The following NRG3 variants were observed in gnomAD, a reference collection of about 807,000 sequenced individuals.
The protein encoded by NRG3 is neuregulin 3.
Under a neutral mutation model 66.9 loss-of-function variants are expected in NRG3, and 31 were observed. That is an observed-to-expected ratio of 0.46 (90% confidence interval 0.35 to 0.63). The LOEUF (loss-of-function observed/expected upper bound fraction) is 0.63. Ranked by LOEUF, NRG3 falls within the 20% of genes least tolerant of loss-of-function variation. The pLI, the probability that NRG3 is intolerant of heterozygous loss-of-function variation, is 0.00. For missense variants in NRG3, 910 were observed against 878.9 expected (o/e 1.04, Z -0.45); for synonymous variants, 393 against 359.4 (o/e 1.09, Z -1.06).
At chr10:82,307,445 C>T (rs2080803714) in intron 1 of NRG3, among the ~76,000 whole-genome samples, 1 of 151,940 alleles carries the variant, frequency 6.6e-6, no homozygotes, top group Non-Finnish European at 1.5e-5. Flanking sequence ...TTGTGTATAT[C>T]GTAGGTTGTT....
In NRG3 at chr10:82,963,610, G is replaced by A. The variant is rs376909605; in HGVS notation, c.1284+4535G>A. The stretch of plus-strand genomic sequence containing the variant: ...CGGGAGAATTACGTGAACCCAGGAG[G>A]CAGAGCTTGCAGTGAGCCGAGATGG... On this transcript the variant is annotated intron_variant, in intron 6 of 8. Transcript: ENST00000372141. Among the ~76,000 whole-genome samples, 272 of 152,302 alleles carry A rather than the reference G, an allele frequency of 1.8e-3. No individual in the cohort carries two copies. The South Asian group carries it at 0.026, about 15-fold the overall frequency.
intron 2 of NRG3, among the ~76,000 whole-genome samples, chr10:82,489,660 G>C (rs1842942811): frequency 6.6e-6 from 1 of 152,100 alleles, no homozygotes; most frequent in East Asian, 1.9e-4. Context: ...TAGAGAATTT[G>C]GATCTTTGAG....
At chr10:82,356,064 C>G (rs535975993) in intron 1 of NRG3, among the ~76,000 whole-genome samples, 1 of 152,078 alleles carries the variant, frequency 6.6e-6, no homozygotes, top group African/African-American at 2.4e-5. Context: ...GCTTTCCCAC[C>G]CCAGACTTTT....
At chr10:82,183,924 C>T (rs1206285517) in intron 1 of NRG3, among the ~76,000 whole-genome samples, 4 of 152,214 alleles carry the variant, frequency 2.6e-5, no homozygotes, top group East Asian at 1.9e-4. Context: ...TTCTAGTTGT[C>T]GTGTTGTTTC....
chr10:82,009,537 T>G (rs1387679162), intron 1 of NRG3, among the ~76,000 whole-genome samples: 2 of 152,156 alleles, frequency 1.3e-5, no homozygotes, highest in Non-Finnish European at 1.5e-5. Context: ...CCTGCCAACC[T>G]CCTCTCTTCC....
At chr10:81,894,497 T>C (rs929850844) in intron 1 of NRG3, among the ~76,000 whole-genome samples, 24 of 152,166 alleles carry the variant, frequency 1.6e-4, no homozygotes, top group African/African-American at 5.5e-4. Flanking sequence ...GGACCCATCC[T>C]AAGAGCTTAA....
At chr10:82,296,357 C>G (rs1203860271) in intron 1 of NRG3, among the ~76,000 whole-genome samples, 8 of 152,098 alleles carry the variant, frequency 5.3e-5, no homozygotes, top group Admixed American at 5.2e-4. Flanking sequence ...ACCATCCTTC[C>G]TTGCATGCGG....
intron 1 of NRG3, among the ~76,000 whole-genome samples, chr10:81,957,272 A>G (rs1035762608): frequency 2.0e-5 from 3 of 152,122 alleles, no homozygotes; most frequent in African/African-American, 7.2e-5. Context: ...TTGTTAGGCT[A>G]CTGAAATTTT....
At chr10:82,157,745 T>TGGAGA (rs113523003) in intron 1 of NRG3, among the ~76,000 whole-genome samples, 132,797 of 150,856 alleles carry the variant, frequency 0.88, 58,605 homozygotes, top group African/African-American at 0.94. Flanking sequence ...GTGGTGTTAT[T>TGGAGA]GTAAGTTAAA....
At chr10:82,870,801 T>C (rs1011135642) in intron 4 of NRG3, among the ~76,000 whole-genome samples, 4 of 152,232 alleles carry the variant, frequency 2.6e-5, no homozygotes, top group Non-Finnish European at 1.5e-5. Context: ...TTAAGAATTC[T>C]TTGTATTTTT....
chr10:82,037,913 C>T (rs553119275), intron 1 of NRG3, among the ~76,000 whole-genome samples: 4 of 151,520 alleles, frequency 2.6e-5, no homozygotes, highest in East Asian at 3.9e-4. Context: ...GTCTCTGTGG[C>T]ATACAGAAGG....
At chr10:81,892,386 A>G (rs2132568900) in intron 1 of NRG3, among the ~76,000 whole-genome samples, 1 of 152,290 alleles carries the variant, frequency 6.6e-6, no homozygotes, top group South Asian at 2.1e-4. Flanking sequence ...ATTTTATTTG[A>G]AAGTATAAAT....
At chr10:82,420,175 T>C (rs1454447946) in intron 2 of NRG3, among the ~76,000 whole-genome samples, 5 of 152,104 alleles carry the variant, frequency 3.3e-5, no homozygotes, top group African/African-American at 1.2e-4. Flanking sequence ...TGTGCATTTG[T>C]TTTTCGTGCT....
At chr10:82,169,938 G>T (rs192658265) in intron 1 of NRG3, among the ~76,000 whole-genome samples, 1 of 148,150 alleles carries the variant, frequency 6.7e-6, no homozygotes, top group Non-Finnish European at 1.5e-5. Flanking sequence ...TAGCCTACTT[G>T]TGTGTAAACA....
At chr10:82,288,407 T>C (rs1285913527) in intron 1 of NRG3, among the ~76,000 whole-genome samples, 1 of 152,162 alleles carries the variant, frequency 6.6e-6, no homozygotes, top group Non-Finnish European at 1.5e-5. Context: ...GAGGTGTGTA[T>C]GGAAAAGACA....
At position 82,070,769 on chromosome 10, in the gene NRG3, A is replaced by G. The variant is rs148047380; in HGVS notation, c.823+194606A>G. Among the ~76,000 whole-genome samples the G allele has an allele frequency of 4.4e-3, 668 of 152,290 alleles. 2 individuals carry two copies. Among genetic ancestry groups the G allele is most frequent in the Middle Eastern group, 6.8e-3 (2 of 294 alleles). On this transcript the variant is annotated intron_variant, in intron 1 of 8. Transcript: ENST00000372141. ...AACATTTCAATCTTGTTGGTGTTCAAAGCCACACAGATGAAAACAATATTT... is the reference window on the plus strand; with the variant it reads ...AACATTTCAATCTTGTTGGTGTTCAGAGCCACACAGATGAAAACAATATTT...
At chr10:82,811,334 G>A (rs969536713) in intron 3 of NRG3, among the ~76,000 whole-genome samples, 2 of 152,114 alleles carry the variant, frequency 1.3e-5, no homozygotes, top group Non-Finnish European at 2.9e-5. Context: ...TTAAATATTC[G>A]TTGAATAAAC....
intron 2 of NRG3, among the ~76,000 whole-genome samples, chr10:82,437,916 T>C (rs1231900739): frequency 6.6e-6 from 1 of 152,134 alleles, no homozygotes; most frequent in Non-Finnish European, 1.5e-5. Flanking sequence ...CAAAGATGGG[T>C]ACCTTTTCCT....
At chr10:82,418,387 T>C (rs1388076681) in intron 2 of NRG3, among the ~76,000 whole-genome samples, 1 of 145,718 alleles carries the variant, frequency 6.9e-6, no homozygotes, top group Non-Finnish European at 1.5e-5. Flanking sequence ...AATTAACCAG[T>C]TTATGCAAAT....
Sources: allele counts gnomAD v4.1 joint callset (sites outside exome capture counted in the v4.1 genomes callset), GRCh38; gene constraint gnomAD v4.1.1; transcripts MANE v1.5; gene names NCBI Gene and HGNC (gene_info 2026-07-23, HGNC 2026-07-21).